Variants in EEPD1 observed in about 807,000 individuals in gnomAD.
The protein encoded by EEPD1 is endonuclease/exonuclease/phosphatase family domain containing 1.
In EEPD1, 17 loss-of-function variants were observed where a neutral mutation model predicts 46.3. That is an observed-to-expected ratio of 0.37 (90% CI 0.25 to 0.55). The LOEUF is 0.55. Ranked by LOEUF, EEPD1 falls within the 20% of genes least tolerant of loss-of-function variation. The pLI is 0.83. For synonymous variants in EEPD1, 313 were observed against 315.6 expected (o/e 0.99, Z 0.09); for missense variants, 673 against 745.6 (o/e 0.90, Z 1.13).
At chr7:36,243,476 A>G (rs1786589370) in intron 3 of EEPD1, among the ~76,000 whole-genome samples, 1 of 152,172 alleles carries the variant, frequency 6.6e-6, no homozygotes, top group East Asian at 1.9e-4. Context: ...ACATTCTGCA[A>G]ACCTCAAACC....
chr7:36,252,813 G>C (rs1484067507), intron 3 of EEPD1, among the ~76,000 whole-genome samples: 2 of 138,308 alleles, frequency 1.4e-5, no homozygotes, highest in Admixed American at 7.3e-5. Context: ...TGGTGTGATA[G>C]CATGAGTGTT....
At chr7:36,165,563 G>A (rs1403476568) in intron 2 of EEPD1, among the ~76,000 whole-genome samples, 1 of 138,348 alleles carries the variant, frequency 7.2e-6, no homozygotes, top group Non-Finnish European at 1.6e-5. Flanking sequence ...GGGATTACAG[G>A]CACCTGCCAC....
At chr7:36,266,664 C>T (rs1787023906) in intron 3 of EEPD1, among the ~76,000 whole-genome samples, 1 of 152,208 alleles carries the variant, frequency 6.6e-6, no homozygotes, top group Non-Finnish European at 1.5e-5. Context: ...CAACCATCAC[C>T]TCTATCTAGT....
At position 36,189,153 on chromosome 7, in the gene EEPD1, C is replaced by T. The variant is rs555737400; in HGVS notation, c.878+33951C>T. Reference sequence around the variant, plus strand: ...ACCCTGCTCATTGTACTGGCCCCCACGGGACACAAAACACAAGCAGAGCCC... The same window carrying T: ...ACCCTGCTCATTGTACTGGCCCCCATGGGACACAAAACACAAGCAGAGCCC... On this transcript the variant is annotated intron_variant, in intron 2 of 7. Transcript: ENST00000242108. Among the ~76,000 whole-genome samples, 147 of 150,898 alleles carry T rather than the reference C, an allele frequency of 9.7e-4. 2 individuals are homozygous for T. Among genetic ancestry groups the T allele is most frequent in the African/African-American group, 3.3e-3 (136 of 41,088 alleles).
Position 36,299,198 on chromosome 7 carries a change from G to T in EEPD1, c.1702G>T (p.Glu568Ter), listed in dbSNP as rs759289879. 6.2e-7 allele frequency: 1 copy of T among 1,613,808 alleles called. No individual in the cohort carries two copies. Among genetic ancestry groups the T allele is most frequent in the Non-Finnish European group, 8.5e-7 (1 of 1,179,814 alleles). ...GCGAAGTGAAGCCAACATCAAGCAC[G>T]AGCGATGATGACACCAAATCCATGT... Reference protein sequence around the residue: ...LERSEANIKHER With the variant: ...LERSEANIKH Residue 568 changes from glutamate (E) to a stop codon, truncating the protein, a stop_gained, in exon 8 of 8, where the codon GAG becomes TAG. Transcript: ENST00000242108. LOFTEE classifies it high-confidence loss of function.
intron 3 of EEPD1, among the ~76,000 whole-genome samples, chr7:36,258,179 GC>G (rs1357372300): frequency 3.3e-5 from 5 of 152,298 alleles, no homozygotes; most frequent in African/African-American, 1.2e-4. Context: ...AAAGATTGCT[GC>G]CTGTTCCTTC....
chr7:36,160,006 T>A (rs1784877883), intron 2 of EEPD1, among the ~76,000 whole-genome samples: 1 of 152,254 alleles, frequency 6.6e-6, no homozygotes, highest in Non-Finnish European at 1.5e-5. Flanking sequence ...ACTTAGGGTT[T>A]ATCTCACTAA....
At chr7:36,176,571 G>A (rs1184771662) in intron 2 of EEPD1, among the ~76,000 whole-genome samples, 2 of 152,202 alleles carry the variant, frequency 1.3e-5, no homozygotes. Context: ...CTCAAGCACT[G>A]CTGTTTGTAC....
chr7:36,198,374 G>GAA (rs1785650764), intron 2 of EEPD1, among the ~76,000 whole-genome samples: 1 of 47,316 alleles, frequency 2.1e-5, no homozygotes, highest in Non-Finnish European at 4.5e-5. Flanking sequence ...ATATTTTCCT[G>GAA]AAAAACTAAA....
At position 36,207,769 on chromosome 7, in the gene EEPD1, G is replaced by A. The variant is rs575321681; in HGVS notation, c.879-31216G>A. 7.9e-5 allele frequency among the ~76,000 whole-genome samples: 12 copies of A among 152,152 alleles called. No homozygotes were observed. In the South Asian group the frequency reaches 1.7e-3, roughly 21 times the overall value. ...AGTTCAGTAAGGATGTGTGCTTGAA[G>A]TCTGTTTATAAAGTGTTTCTACTTT... On this transcript the variant is annotated intron_variant, in intron 2 of 7. Coordinates refer to ENST00000242108, the MANE Select transcript of EEPD1 (RefSeq NM_030636.3).
rs186537578 is a variant in EEPD1 at position 36,194,310 on chromosome 7, G to A, written c.878+39108G>A. On this transcript the variant is annotated intron_variant, in intron 2 of 7. Transcript: ENST00000242108. The stretch of plus-strand genomic sequence containing the variant: ...TGGAGGAAGAAATCCTTGAATGAAT[G>A]GATGAATGAGTGAATGATTGAATTC... Among the ~76,000 whole-genome samples, 560 of 152,290 alleles carry A rather than the reference G, an allele frequency of 3.7e-3. 2 individuals are homozygous for A. The highest frequency in any genetic ancestry group is 4.8e-3 in the Non-Finnish European group (324 of 68,026).
At chr7:36,246,520 G>C (rs981195680) in intron 3 of EEPD1, among the ~76,000 whole-genome samples, 6 of 152,228 alleles carry the variant, frequency 3.9e-5, no homozygotes, top group Admixed American at 3.9e-4. Context: ...AGCTGCTGCT[G>C]TGGTCGTCAT....
chr7:36,219,208 CTATGAGTCTTCACCA>C (rs1786088263), intron 2 of EEPD1, among the ~76,000 whole-genome samples: 1 of 151,910 alleles, frequency 6.6e-6, no homozygotes, highest in South Asian at 2.1e-4. Flanking sequence ...GGCAGTGTGT[CTATGAGTCTTCACCA>C]TATAGTGCCC....
intron 2 of EEPD1, among the ~76,000 whole-genome samples, chr7:36,189,171 C>T (rs1057390915): frequency 7.4e-6 from 1 of 135,574 alleles, no homozygotes; most frequent in Non-Finnish European, 1.6e-5. Context: ...AAAACACAAG[C>T]AGAGCCCACA....
chr7:36,167,315 A>G (rs779743127), intron 2 of EEPD1, among the ~76,000 whole-genome samples: 20 of 152,198 alleles, frequency 1.3e-4, no homozygotes, highest in East Asian at 9.6e-4. Flanking sequence ...TTTGTGAGCA[A>G]CTTGCTCCTC....
At chr7:36,190,958 T>G (rs1163515005) in intron 2 of EEPD1, among the ~76,000 whole-genome samples, 1 of 152,242 alleles carries the variant, frequency 6.6e-6, no homozygotes, top group Non-Finnish European at 1.5e-5. Context: ...CCACCTTCCC[T>G]TAAGTCACTA....
At chr7:36,184,720 A>AT (rs1001191007) in intron 2 of EEPD1, among the ~76,000 whole-genome samples, 3 of 151,768 alleles carry the variant, frequency 2.0e-5, no homozygotes, top group African/African-American at 7.3e-5. Context: ...AAATATAAGG[A>AT]TTTTTTTTTA....
intron 2 of EEPD1, among the ~76,000 whole-genome samples, chr7:36,175,455 C>T (rs1785161369): frequency 6.6e-6 from 1 of 152,036 alleles, no homozygotes; most frequent in Admixed American, 6.5e-5. Flanking sequence ...TGGTCTCAAA[C>T]TCCTGGGTTC....
chr7:36,222,162 T>C (rs2726118), intron 2 of EEPD1, among the ~76,000 whole-genome samples: 16,723 of 152,292 alleles, frequency 0.11, 1,230 homozygotes, highest in Non-Finnish European at 0.17. Context: ...ACCAGCCTAC[T>C]GTTGACCAGA....
Sources: allele counts gnomAD v4.1 joint callset (sites outside exome capture counted in the v4.1 genomes callset), GRCh38; gene constraint gnomAD v4.1.1; transcripts MANE v1.5; gene names NCBI Gene and HGNC (gene_info 2026-07-23, HGNC 2026-07-21).